Variants in TRMT11 observed in about 807,000 individuals in gnomAD.
TRMT11 encodes the protein tRNA (guanine(10)-N(2))-methyltransferase TRMT11.
TRMT11 carries 53 observed loss-of-function variants against 62.8 expected under a neutral mutation model. The observed-to-expected ratio is 0.84, with a 90% CI of 0.68 to 1.06. TRMT11 has a LOEUF of 1.06. Ranked by LOEUF, TRMT11 falls within the 50% of genes least tolerant of loss-of-function variation. TRMT11 has a pLI of 0.00. For synonymous variants in TRMT11, 188 were observed against 190.3 expected, an observed-to-expected ratio of 0.99 and a Z score of 0.10; for missense variants, 556 against 553.4, an observed-to-expected ratio of 1.00 and a Z score of -0.05.
At chr6:126,021,364 G>A in intron 12 of TRMT11, 84 bp downstream of exon 12, 5 of 1,482,512 alleles carry the variant, frequency 3.4e-6, no homozygotes, top group Non-Finnish European at 3.7e-6. Context: ...GATAGAGTTT[G>A]GAAATGTTAT....
At chr6:126,102,145 C>T (rs1275442413) in intron 17 of TRMT11, among the ~76,000 whole-genome samples, 1 of 152,178 alleles carries the variant, frequency 6.6e-6, no homozygotes, top group Non-Finnish European at 1.5e-5. Context: ...CAGGTTGCTG[C>T]TGATCATGGC....
chr6:126,093,606 TATA>T (rs1777301676), intron 17 of TRMT11, among the ~76,000 whole-genome samples: 3 of 89,340 alleles, frequency 3.4e-5, no homozygotes, highest in African/African-American at 2.0e-4. Flanking sequence ...TATATATATA[TATA>T]TATATATATA....
Position 126,094,208 on chromosome 6 carries a change from A to G in TRMT11, c.*1438-18658A>G, listed in dbSNP as rs568337736. 2.8e-4 allele frequency among the ~76,000 whole-genome samples: 43 copies of G among 152,142 alleles called. 1 individual carries two copies. Among genetic ancestry groups the G allele is most frequent in the African/African-American group, 1.0e-3 (43 of 41,508 alleles). ...GTATTCTCCTAACTATAGCTATTGA[A>G]TTTTGTGTGCTTTCCACAGTGACAA... On this transcript the variant is annotated intron_variant and NMD_transcript_variant, in intron 17 of 22. Transcript: ENST00000648977.
chr6:126,202,775 A>C (rs1778749463), downstream of TRMT11, among the ~76,000 whole-genome samples: 1 of 152,148 alleles, frequency 6.6e-6, no homozygotes, highest in South Asian at 2.1e-4. Flanking sequence ...AACCTTCATG[A>C]ATGAGGTTTT....
intron 1 of TRMT11, among the ~76,000 whole-genome samples, chr6:125,991,076 C>T (rs1267274958): frequency 6.6e-6 from 1 of 151,784 alleles, no homozygotes; most frequent in East Asian, 1.9e-4. Flanking sequence ...GAAACCCCAT[C>T]TCTACTAAAA....
chr6:126,188,919 A>C (rs946658261), intron 1 of TRMT11, among the ~76,000 whole-genome samples: 4 of 152,172 alleles, frequency 2.6e-5, no homozygotes, highest in African/African-American at 9.6e-5. Flanking sequence ...TATTCAAATC[A>C]GCCAGCTGTT....
At chr6:126,253,759 T>C in the TRMT11 span, among the ~76,000 whole-genome samples, 1 of 152,222 alleles carries the variant, frequency 6.6e-6, no homozygotes, top group East Asian at 1.9e-4. Flanking sequence ...TCAAATTGAC[T>C]AGGCTATCCC....
At chr6:126,186,190 G>A (rs1453752547) in intron 1 of TRMT11, among the ~76,000 whole-genome samples, 3 of 152,112 alleles carry the variant, frequency 2.0e-5, no homozygotes, top group African/African-American at 7.2e-5. Flanking sequence ...CATAATATAG[G>A]CAGCTTACTG....
At chr6:126,098,419 AT>A (rs1476335891) in intron 17 of TRMT11, among the ~76,000 whole-genome samples, 1 of 152,198 alleles carries the variant, frequency 6.6e-6, no homozygotes, top group East Asian at 1.9e-4. Flanking sequence ...TTTGCCTTTT[AT>A]AAAAGCATAC....
At chr6:126,014,848 G>A (rs1794749220) in intron 11 of TRMT11, among the ~76,000 whole-genome samples, 1 of 151,796 alleles carries the variant, frequency 6.6e-6, no homozygotes, top group African/African-American at 2.4e-5. Context: ...CCTATCTAAA[G>A]TTAAAAGCCA....
At chr6:125,993,649 G>T in intron 1 of TRMT11, 108 bp from the exon 2 acceptor site, 1 of 557,824 alleles carries the variant, frequency 1.8e-6, no homozygotes. Context: ...GCCTCAGTTA[G>T]ATCTTCAGCC....
In TRMT11 at chr6:126,034,485, T is replaced by C. The variant is rs145853841; in HGVS notation, c.1261-4220T>C. 4.0e-3 allele frequency among the ~76,000 whole-genome samples: 605 copies of C among 152,252 alleles called. 5 individuals are homozygous for C. Among genetic ancestry groups the C allele is most frequent in the African/African-American group, 0.014 (587 of 41,558 alleles). On this transcript the variant is annotated intron_variant, in intron 12 of 12. Coordinates refer to ENST00000334379, the MANE Select transcript of TRMT11 (RefSeq NM_001031712.3). The stretch of plus-strand genomic sequence containing the variant: ...CATTTATGGCTAGCACAAATTTACC[T>C]ACAGAAACTCTTCTGATTATAAAAA...
intron 21 of TRMT11, among the ~76,000 whole-genome samples, chr6:126,146,017 A>C (rs1368836263): frequency 6.6e-6 from 1 of 152,156 alleles, no homozygotes; most frequent in East Asian, 1.9e-4. Flanking sequence ...ATTTTATTTC[A>C]TGAAGAGATA....
At chr6:126,034,197 A>G (rs1014430384) in intron 12 of TRMT11, among the ~76,000 whole-genome samples, 1 of 152,132 alleles carries the variant, frequency 6.6e-6, no homozygotes, top group Admixed American at 6.5e-5. Flanking sequence ...AATTCTGGCA[A>G]TGCTACTTAC....
chr6:126,263,381 A>G, the TRMT11 span, among the ~76,000 whole-genome samples: 45 of 152,314 alleles, frequency 3.0e-4, no homozygotes, highest in African/African-American at 1.1e-3. Context: ...TGGCAAACAT[A>G]TAAATATATC....
intron 21 of TRMT11, among the ~76,000 whole-genome samples, chr6:126,165,663 A>G (rs1035871559): frequency 6.6e-6 from 1 of 152,170 alleles, no homozygotes; most frequent in African/African-American, 2.4e-5. Context: ...TGTTAGTCTG[A>G]TGGGCTTCCC....
intron 17 of TRMT11, among the ~76,000 whole-genome samples, chr6:126,069,141 C>T (rs1776775097): frequency 6.6e-6 from 1 of 152,252 alleles, no homozygotes; most frequent in African/African-American, 2.4e-5. Flanking sequence ...GACCTCCTTC[C>T]ATTCCTTGGC....
the TRMT11 span, among the ~76,000 whole-genome samples, chr6:126,248,563 C>G: frequency 1.2e-4 from 19 of 152,036 alleles, no homozygotes; most frequent in Non-Finnish European, 2.8e-4. Context: ...AATTCCACCC[C>G]CGTTCTCCAT....
intron 17 of TRMT11, among the ~76,000 whole-genome samples, chr6:126,083,731 T>C (rs1777185315): frequency 6.6e-6 from 1 of 152,174 alleles, no homozygotes; most frequent in African/African-American, 2.4e-5. Context: ...TTATTCGTCA[T>C]ACATATCTGC....
Sources: allele counts gnomAD v4.1 joint callset (sites outside exome capture counted in the v4.1 genomes callset), GRCh38; gene constraint gnomAD v4.1.1; transcripts MANE v1.5; gene names NCBI Gene and HGNC (gene_info 2026-07-23, HGNC 2026-07-21).